The following KCNIP1 variants were observed in gnomAD, a reference collection of about 807,000 sequenced individuals.
KCNIP1 encodes the protein potassium voltage-gated channel interacting protein 1.
KCNIP1 carries 18 observed loss-of-function variants against 33.0 expected under a neutral mutation model. The ratio of observed to expected loss-of-function variants is 0.55; its 90% CI spans 0.38 to 0.81. The LOEUF (loss-of-function observed/expected upper bound fraction) is 0.81. KCNIP1 is among the 30% of genes least tolerant of loss of function. The pLI is 0.00. For synonymous variants in KCNIP1, 93 were observed against 98.3 expected, an observed-to-expected ratio of 0.95 and a Z score of 0.32; for missense variants, 238 against 271.6, an observed-to-expected ratio of 0.88 and a Z score of 0.87.
At chr5:170,659,360 G>A (rs1761389340) in intron 1 of KCNIP1, among the ~76,000 whole-genome samples, 2 of 152,170 alleles carry the variant, frequency 1.3e-5, no homozygotes, top group Non-Finnish European at 2.9e-5. Flanking sequence ...AGGGACTAAT[G>A]ACAAAGGCAT....
chr5:170,540,056 G>C (rs1017937335), intron 1 of KCNIP1, among the ~76,000 whole-genome samples: 14 of 151,906 alleles, frequency 9.2e-5, no homozygotes, highest in Non-Finnish European at 1.5e-5. Context: ...CTTGCCTGCT[G>C]TGTGGATCTG....
At chr5:170,608,799 T>C (rs1167982971) in intron 1 of KCNIP1, among the ~76,000 whole-genome samples, 2 of 151,202 alleles carry the variant, frequency 1.3e-5, no homozygotes, top group African/African-American at 4.9e-5. Context: ...AAAATTAGTG[T>C]GGGAAAACCC....
intron 1 of KCNIP1, among the ~76,000 whole-genome samples, chr5:170,419,752 G>A (rs185613405): frequency 3.3e-5 from 5 of 152,308 alleles, no homozygotes; most frequent in African/African-American, 1.2e-4. Context: ...GCATTGGGAC[G>A]CAGGCCTGAG....
chr5:170,654,471 G>C (rs957605872), intron 1 of KCNIP1, among the ~76,000 whole-genome samples: 2 of 151,988 alleles, frequency 1.3e-5, no homozygotes, highest in Non-Finnish European at 2.9e-5. Context: ...ATTTTAAAAC[G>C]GGGGGCATCG....
chr5:170,395,675 T>C (rs1030655814), intron 1 of KCNIP1, among the ~76,000 whole-genome samples: 2 of 152,154 alleles, frequency 1.3e-5, no homozygotes, highest in Non-Finnish European at 2.9e-5. Context: ...AAGTGGGAGA[T>C]GGTGACAGGT....
chr5:170,470,216 T>G (rs763612508), intron 1 of KCNIP1, among the ~76,000 whole-genome samples: 1 of 152,086 alleles, frequency 6.6e-6, no homozygotes, highest in Non-Finnish European at 1.5e-5. Context: ...GTAAAAGAGC[T>G]CTTCTTCACA....
intron 1 of KCNIP1, among the ~76,000 whole-genome samples, chr5:170,650,795 A>G (rs1761016291): frequency 5.9e-5 from 9 of 152,184 alleles, no homozygotes. Context: ...CTCTCCATTA[A>G]TAAATTGGAT....
chr5:170,380,816 G>A (rs1281228752), intron 1 of KCNIP1, among the ~76,000 whole-genome samples: 2 of 152,196 alleles, frequency 1.3e-5, no homozygotes, highest in Non-Finnish European at 2.9e-5. Flanking sequence ...ACAGGCCTGA[G>A]TTCTGAGCTG....
chr5:170,364,261 C>T (rs996696954), intron 1 of KCNIP1, among the ~76,000 whole-genome samples: 6 of 152,192 alleles, frequency 3.9e-5, no homozygotes, highest in Non-Finnish European at 7.4e-5. Flanking sequence ...CCACCTTGGC[C>T]TCCCAAAGTG....
chr5:170,393,359 T>G (rs551434375), intron 1 of KCNIP1, among the ~76,000 whole-genome samples: 33 of 152,320 alleles, frequency 2.2e-4, no homozygotes, highest in African/African-American at 7.2e-4. Flanking sequence ...AATTGGCAAC[T>G]GAGTCTTGAG....
intron 5 of KCNIP1, among the ~76,000 whole-genome samples, chr5:170,727,073 T>C (rs983859011): frequency 6.6e-6 from 1 of 152,232 alleles, no homozygotes; most frequent in African/African-American, 2.4e-5. Flanking sequence ...AACAGGACAA[T>C]GGGTAAATAC....
At chr5:170,566,095 C>G (rs981692140) in intron 1 of KCNIP1, among the ~76,000 whole-genome samples, 5 of 152,328 alleles carry the variant, frequency 3.3e-5, no homozygotes, top group African/African-American at 1.2e-4. Context: ...ATGGTTCAAT[C>G]TCAGCTCACT....
chr5:170,462,577 CCT>C (rs1756528746), intron 1 of KCNIP1, among the ~76,000 whole-genome samples: 1 of 152,138 alleles, frequency 6.6e-6, no homozygotes, highest in African/African-American at 2.4e-5. Context: ...TGTGGAGATT[CCT>C]TAAAGTACTA....
At chr5:170,461,672 C>T (rs552494021) in intron 1 of KCNIP1, among the ~76,000 whole-genome samples, 25 of 151,924 alleles carry the variant, frequency 1.6e-4, no homozygotes, top group Non-Finnish European at 2.6e-4. Flanking sequence ...ATGGCATGAA[C>T]CCGGGAGGCA....
chr5:170,697,630 GAGCCT>G (rs565532066), intron 1 of KCNIP1, among the ~76,000 whole-genome samples: 25 of 152,340 alleles, frequency 1.6e-4, no homozygotes, highest in Middle Eastern at 6.8e-3. Flanking sequence ...TCTGGCTGCA[GAGCCT>G]AGCCCTCTAA....
At chr5:170,495,979 G>A (rs1287093218) in intron 1 of KCNIP1, among the ~76,000 whole-genome samples, 5 of 152,148 alleles carry the variant, frequency 3.3e-5, no homozygotes, top group South Asian at 4.1e-4. Flanking sequence ...CTGGGAGCCC[G>A]GAGCCAGCTC....
At chr5:170,529,146 C>T (rs1755693506) in intron 1 of KCNIP1, among the ~76,000 whole-genome samples, 1 of 152,184 alleles carries the variant, frequency 6.6e-6, no homozygotes. Flanking sequence ...GAGCTGAATA[C>T]AGGTGCTCAA....
intron 1 of KCNIP1, among the ~76,000 whole-genome samples, chr5:170,612,631 G>C (rs1759208775): frequency 6.6e-6 from 1 of 152,214 alleles, no homozygotes; most frequent in African/African-American, 2.4e-5. Flanking sequence ...TAGGAAGATG[G>C]AGTAAATTGG....
At chr5:170,458,027 A>G (rs1756425368) in intron 1 of KCNIP1, among the ~76,000 whole-genome samples, 2 of 152,218 alleles carry the variant, frequency 1.3e-5, no homozygotes, top group African/African-American at 4.8e-5. Context: ...GAAACAATGG[A>G]CACAGTTATA....
Sources: gnomAD v4.1 joint callset for allele counts (sites outside exome capture counted in the v4.1 genomes callset) on GRCh38, gnomAD v4.1.1 for gene constraint, MANE v1.5 for transcripts, NCBI Gene and HGNC (gene_info 2026-07-23, HGNC 2026-07-21) for gene names.